Variants in SF3A1 observed in about 807,000 individuals in gnomAD.
SF3A1 encodes the protein SAP 114.
A neutral mutation model predicts 89.9 loss-of-function variants in SF3A1; 13 were observed. The ratio of observed to expected loss-of-function variants is 0.14; its 90% confidence interval spans 0.09 to 0.23. The LOEUF (loss-of-function observed/expected upper bound fraction) is 0.23. Among genes scored for constraint, SF3A1 ranks in the 10% least tolerant of loss-of-function variants. The probability of loss-of-function intolerance (pLI) is 1.00; values close to 1 mark genes in which losing one functional copy is unlikely to be tolerated. For missense variants in SF3A1, 604 were observed against 1,022.1 expected (o/e 0.59, Z 5.58); for synonymous variants, 405 against 374.4 (o/e 1.08, Z -0.94).
At chr22:30,350,927 A>C (rs1931572560) in intron 2 of SF3A1, among the ~76,000 whole-genome samples, 1 of 152,244 alleles carries the variant, frequency 6.6e-6, no homozygotes, top group Admixed American at 6.5e-5. Context: ...AGCACAGAGA[A>C]GCTTTCAACC....
chr22:30,339,217 A>G lies in SF3A1; in HGVS notation c.1410T>C (p.Ala470=). The G allele has an allele frequency of 6.2e-7, 1 of 1,614,176 alleles. No individual in the cohort carries two copies. The highest frequency in any genetic ancestry group is 8.5e-7 in the Non-Finnish European group (1 of 1,180,042). The change falls in exon 10 of 16, where the codon GCT becomes GCC. Residue 470 remains alanine (A), a synonymous_variant. Coordinates refer to ENST00000215793, the MANE Select transcript of SF3A1 (RefSeq NM_005877.6). ...LDIESSLKQL[A]ERRTDIFGVE... ...CACCGAAGATGTCAGTACGCCGCTCAGCCAACTGCTTCAAGCTGCTCTCAA... is the reference window on the plus strand; with the variant it reads ...CACCGAAGATGTCAGTACGCCGCTCGGCCAACTGCTTCAAGCTGCTCTCAA...
intron 11 of SF3A1, among the ~76,000 whole-genome samples, chr22:30,338,364 A>G (rs1931141765): frequency 6.6e-6 from 1 of 151,896 alleles, no homozygotes; most frequent in Non-Finnish European, 1.5e-5. Flanking sequence ...AGGCTGAGGC[A>G]CGAGAATCAC....
intron 1 of SF3A1, among the ~76,000 whole-genome samples, chr22:30,355,860 C>G (rs922900014): frequency 7.5e-6 from 1 of 132,488 alleles, no homozygotes; most frequent in Non-Finnish European, 1.5e-5. Flanking sequence ...CAATGATCAG[C>G]GTATGTGTTC....
chr22:30,342,152 A>C, intron 6 of SF3A1, 48 bp downstream of exon 6: 1 of 1,607,268 alleles, frequency 6.2e-7, no homozygotes, highest in Non-Finnish European at 8.5e-7. Context: ...TTTCCCGGGA[A>C]GTCTGAGTTC....
At chr22:30,334,785 G>A (rs1054043857) in intron 15 of SF3A1, 90 bp from the exon 16 acceptor site, 7 of 868,990 alleles carry the variant, frequency 8.1e-6, no homozygotes, top group Admixed American at 2.5e-5. Context: ...GTCTGTTTGC[G>A]CTCTGGACTT....
intron 1 of SF3A1, among the ~76,000 whole-genome samples, chr22:30,355,586 GA>G (rs1441894233): frequency 1.3e-5 from 2 of 152,132 alleles, no homozygotes; most frequent in Non-Finnish European, 1.5e-5. Flanking sequence ...TGTCTACAAG[GA>G]AAAGTTCAAA....
rs1026314939 is a variant in SF3A1, at chr22:30,339,143, T to C, written c.1484A>G (p.Lys495Arg). The stretch of plus-strand genomic sequence containing the variant: ...CTTTAGCCGCACCTTTTCCTCTGGC[T>C]TCTGGATCTCCTCCTCACCGATCTT... The part of the protein sequence containing the change: ...GKKIGEEEIQ[K>R]PEEKVTWDGH... The change falls in exon 10 of 16, where the codon AAG becomes AGG. Residue 495 changes from lysine (K) to arginine (R), a missense_variant. This residue lies in a region of SF3A1 where 22 missense variants were observed against 116.0 expected (regional missense o/e 0.19). Coordinates refer to ENST00000215793, the MANE Select transcript of SF3A1 (RefSeq NM_005877.6). The C allele has an allele frequency of 1.2e-6, 2 of 1,614,180 alleles. No individual in the cohort carries two copies. The highest frequency in any genetic ancestry group is 1.6e-4 in the Middle Eastern group (1 of 6,062).
chr22:30,342,654 C>T, intron 5 of SF3A1, 151 bp downstream of exon 5: 2 of 650,704 alleles, frequency 3.1e-6, no homozygotes, highest in Non-Finnish European at 5.4e-6. Context: ...ATCCGGACTC[C>T]AGGTTTCTTT....
chr22:30,341,722 G>A lies in SF3A1; in HGVS notation c.1041C>T (p.Asp347=). Residue 347 remains aspartate (D), a synonymous_variant, in exon 7 of 16, where the codon GAC becomes GAT. Coordinates refer to ENST00000215793, the MANE Select transcript of SF3A1 (RefSeq NM_005877.6). Reference sequence around the variant, plus strand: ...CCATATCTTGTACTTGGGTGTCCTGGTCCAGCTGGGAAGGAGGCTCCTCCG... The same window carrying A: ...CCATATCTTGTACTTGGGTGTCCTGATCCAGCTGGGAAGGAGGCTCCTCCG... The part of the protein sequence containing the change: ...EKAEEPPSQL[D]QDTQVQDMDE... The A allele has an allele frequency of 6.2e-7, 1 of 1,614,034 alleles. No homozygotes were observed. Among genetic ancestry groups the A allele is most frequent in the Non-Finnish European group, 8.5e-7 (1 of 1,179,990 alleles).
intron 4 of SF3A1, 78 bp downstream of exon 4, chr22:30,344,855 G>A (rs1931370903): frequency 6.6e-7 from 1 of 1,516,532 alleles, no homozygotes; most frequent in Non-Finnish European, 9.0e-7. Flanking sequence ...TGTAGACAGT[G>A]AGTGGACACA....
rs772392898 is a variant in SF3A1 at position 30,346,296 on chromosome 22, G to A, written c.393+16C>T. 7.2e-6 allele frequency: 11 copies of A among 1,525,662 alleles called. No homozygotes were observed. The East Asian group carries it at 1.3e-4, about 19-fold the overall frequency. 94.5% of individuals were successfully genotyped at this position (1,525,662 alleles called of 1,614,324 possible). A position where few individuals can be genotyped will look rare whatever the true frequency, so the allele number is the denominator to read the frequency against. Reference sequence around the variant, plus strand: ...CTCAAGCCCTGCGTAAGTGAAGGGGGCACTGGGCTCCAAACCTTCTGGGGC... The same window carrying A: ...CTCAAGCCCTGCGTAAGTGAAGGGGACACTGGGCTCCAAACCTTCTGGGGC... On this transcript the variant is annotated intron_variant, in intron 3 of 15. Coordinates refer to ENST00000215793, the MANE Select transcript of SF3A1 (RefSeq NM_005877.6).
chr22:30,346,604 T>C (rs1236237137), intron 2 of SF3A1, 85 bp from the exon 3 acceptor site: 1 of 1,492,390 alleles, frequency 6.7e-7, no homozygotes, highest in African/African-American at 1.4e-5. Flanking sequence ...AACGTCCTTC[T>C]TGCCACCACC....
rs1931304638 is a variant in SF3A1 at position 30,342,863 on chromosome 22, T to C, written c.668A>G (p.Lys223Arg). ...TTTCTTGAGCTTTGAAAATAAACCT[T>C]TGGGTGGAATCAAGATCTGAAATAC... is the stretch of plus-strand genomic sequence containing the variant. ...EQYTKILIPP[K>R]GLFSKLKKEA... The change falls in exon 5 of 16, where the codon AAA becomes AGA. Residue 223 changes from lysine (K) to arginine (R), a missense_variant. Transcript: ENST00000215793. 6.2e-7 allele frequency: 1 copy of C among 1,611,152 alleles called. No individual in the cohort carries two copies. The highest frequency in any genetic ancestry group is 8.5e-7 in the Non-Finnish European group (1 of 1,177,896).
At chr22:30,337,261 GGTT>G in intron 12 of SF3A1, 81 bp from the exon 13 acceptor site, 1 of 1,305,378 alleles carries the variant, frequency 7.7e-7, no homozygotes, top group Non-Finnish European at 1.0e-6. Context: ...TGAGAGGGAA[GGTT>G]GCAAAGGTTT....
At position 30,342,258 on chromosome 22, in the gene SF3A1, C is replaced by T. The variant is rs1330425535; in HGVS notation, c.819G>A (p.Gln273=). ...CCACCACAAAATCATGCCAGTCGAT[C>T]TGAGCATAGGCCACCCGCTCCTTCT... ...EKEKERVAYA[Q]IDWHDFVVVE... Residue 273 remains glutamine, a synonymous_variant, in exon 6 of 16, where the codon CAG becomes CAA. Transcript: ENST00000215793. 1 of 1,614,212 alleles carries T rather than the reference C, an allele frequency of 6.2e-7. No individual in the cohort carries two copies. The highest frequency in any genetic ancestry group is 1.1e-5 in the South Asian group (1 of 91,082).
intron 1 of SF3A1, among the ~76,000 whole-genome samples, chr22:30,355,823 C>G (rs574524096): frequency 8.6e-6 from 1 of 116,462 alleles, no homozygotes; most frequent in Non-Finnish European, 1.7e-5. Flanking sequence ...GTTCCCCCCC[C>G]CCGCCCCCCT....
Position 30,356,750 on chromosome 22 carries a change from CGG to C in SF3A1, c.41_42del (p.Pro14ArgfsTer23). ...GPVQAVPPPPPVPTEPKQPTE... is the reference protein window; with the variant it reads ...GPVQAVPPPPXVPTEPKQPTE... ...GGTACCTGTTTGGGCTCCGTGGGCA[CGG>C]GCGGCGGCGGGGGCACCGCCTGCAC... On this transcript the variant is annotated frameshift_variant, in exon 1 of 16. Transcript: ENST00000215793. LOFTEE classifies it high-confidence loss of function. 6.7e-7 allele frequency: 1 copy of C among 1,485,162 alleles called. No individual in the cohort carries two copies. The highest frequency in any genetic ancestry group is 9.0e-7 in the Non-Finnish European group (1 of 1,113,344). 92.0% of individuals were successfully genotyped at this position (1,485,162 alleles called of 1,614,324 possible).
At chr22:30,339,294 T>C (rs1195828388) in intron 9 of SF3A1, 43 bp from the exon 10 acceptor site, 1 of 1,609,026 alleles carries the variant, frequency 6.2e-7, no homozygotes, top group Non-Finnish European at 8.5e-7. Context: ...AAAGAGAAAA[T>C]AAACCAGGTG....
In SF3A1 at chr22:30,335,750, G is replaced by A. The variant is rs746929114; in HGVS notation, c.2110C>T (p.Pro704Ser). 5 of 1,613,780 alleles carry A rather than the reference G, an allele frequency of 3.1e-6. No individual in the cohort carries two copies. The highest frequency in any genetic ancestry group is 1.7e-5 in the Admixed American group (1 of 60,026). Residue 704 changes from proline to serine, a missense_variant, in exon 14 of 16, where the codon CCA becomes TCA. Physicochemically the swap from Pro to Ser is moderately conservative, Grantham distance 74. Transcript: ENST00000215793. ...GGCACCTGGACTTTGATGGACACTG[G>A]ACCCTACAAAACAGGAGGTGGTCAT... is the stretch of plus-strand genomic sequence containing the variant. Reference protein sequence around the residue: ...EEEFLRRNKGPVSIKVQVPNM... With the variant: ...EEEFLRRNKGSVSIKVQVPNM...
Sources: gnomAD v4.1 joint callset for allele counts (sites outside exome capture counted in the v4.1 genomes callset) on GRCh38, gnomAD v4.1.1 for gene constraint, gnomAD v4.1.1 regional missense constraint, MANE v1.5 for transcripts, NCBI Gene and HGNC (gene_info 2026-07-23, HGNC 2026-07-21) for gene names.